Variants in MMD2 observed in about 807,000 individuals in gnomAD.
MMD2 encodes monocyte to macrophage differentiation associated 2.
MMD2 carries 30 observed loss-of-function variants against 33.5 expected under a neutral mutation model. The observed-to-expected ratio is 0.90, with a 90% CI of 0.67 to 1.22. MMD2 has a LOEUF of 1.22. MMD2 is among the 50% of genes most tolerant of loss of function. The probability of loss-of-function intolerance (pLI) is 0.00; values close to 1 mark genes in which losing one functional copy is unlikely to be tolerated. For synonymous variants in MMD2, 129 were observed against 123.0 expected, an observed-to-expected ratio of 1.05 and a Z score of -0.32; for missense variants, 364 against 325.4, an observed-to-expected ratio of 1.12 and a Z score of -0.91.
At chr7:4,947,319 C>A (rs1033218527) in intron 1 of MMD2, among the ~76,000 whole-genome samples, 1 of 151,990 alleles carries the variant, frequency 6.6e-6, no homozygotes, top group Non-Finnish European at 1.5e-5. Context: ...AGTTCCCAAT[C>A]ATGGCAGAAA....
At chr7:4,956,308 C>A (rs1287861587) in intron 1 of MMD2, among the ~76,000 whole-genome samples, 1 of 151,808 alleles carries the variant, frequency 6.6e-6, no homozygotes, top group African/African-American at 2.4e-5. Context: ...CACCTGTAGT[C>A]CCAGCTACTC....
At chr7:4,931,830 G>C (rs1308942468) in intron 1 of MMD2, among the ~76,000 whole-genome samples, 1 of 152,128 alleles carries the variant, frequency 6.6e-6, no homozygotes, top group Non-Finnish European at 1.5e-5. Context: ...CTCCCAAAGT[G>C]CTGAGATTAC....
Position 4,907,378 on chromosome 7 carries a change from T to C in MMD2, c.*18A>G. ...CTCCACTCCTAAAGCCCAAACGACC[T>C]CTCAAGTCTGGGTCACCTCATTTGG... On this transcript the variant is annotated 3_prime_UTR_variant, in exon 7 of 7. Coordinates refer to ENST00000401401, the MANE Select transcript of MMD2 (RefSeq NM_198403.4). 2.5e-6 allele frequency: 4 copies of C among 1,613,024 alleles called. No homozygotes were observed. Among genetic ancestry groups the C allele is most frequent in the Non-Finnish European group, 3.4e-6 (4 of 1,179,662 alleles).
chr7:4,937,447 A>AAAGG (rs376707629), intron 1 of MMD2, among the ~76,000 whole-genome samples: 125 of 151,964 alleles, frequency 8.2e-4, no homozygotes, highest in African/African-American at 2.8e-3. Context: ...AGAAAGGAAG[A>AAAGG]AAGGAAGGAA....
chr7:4,935,695 AAAC>A (rs1199538265), intron 1 of MMD2, among the ~76,000 whole-genome samples: 18 of 150,096 alleles, frequency 1.2e-4, no homozygotes, highest in East Asian at 3.9e-4. Context: ...AAAAAAAAAA[AAAC>A]CAAAAAAATT....
At chr7:4,945,499 CTCG>C (rs1786050274) in intron 1 of MMD2, among the ~76,000 whole-genome samples, 1 of 151,802 alleles carries the variant, frequency 6.6e-6, no homozygotes, top group African/African-American at 2.4e-5. Flanking sequence ...AACTCCTGAC[CTCG>C]TGATCCACCT....
chr7:4,893,186 C>T, the MMD2 span, among the ~76,000 whole-genome samples: 1 of 151,758 alleles, frequency 6.6e-6, no homozygotes, highest in Admixed American at 6.6e-5. Flanking sequence ...AAAGTGGTAC[C>T]AGAAAGGTCC....
the MMD2 span, among the ~76,000 whole-genome samples, chr7:4,900,861 C>T: frequency 6.6e-6 from 1 of 152,126 alleles, no homozygotes; most frequent in African/African-American, 2.4e-5. Flanking sequence ...CTCCCTGGGC[C>T]GGGCGCAGTG....
chr7:4,913,721 C>CAAA (rs35733360), intron 4 of MMD2, among the ~76,000 whole-genome samples: 11 of 54,044 alleles, frequency 2.0e-4, no homozygotes, highest in African/African-American at 3.2e-4. Flanking sequence ...TCTATCTCGG[C>CAAA]AAAAAAAAAA....
the MMD2 span, among the ~76,000 whole-genome samples, chr7:4,898,606 A>G: frequency 2.6e-5 from 4 of 152,164 alleles, no homozygotes; most frequent in African/African-American, 9.7e-5. Flanking sequence ...TTAAGAAATG[A>G]GGCGTTTGGG....
At chr7:4,896,663 A>G in the MMD2 span, among the ~76,000 whole-genome samples, 8 of 152,232 alleles carry the variant, frequency 5.3e-5, 1 homozygote, top group Admixed American at 1.3e-4. Flanking sequence ...ACCACAAAAG[A>G]CATAGATGAC....
At chr7:4,931,405 A>T (rs908718515) in intron 1 of MMD2, among the ~76,000 whole-genome samples, 8 of 149,626 alleles carry the variant, frequency 5.3e-5, no homozygotes, top group Non-Finnish European at 7.4e-5. Context: ...CTCCCACCTC[A>T]GCCTCCCAAA....
downstream of MMD2, among the ~76,000 whole-genome samples, chr7:4,904,071 T>G (rs1784829142): frequency 6.6e-6 from 1 of 152,194 alleles, no homozygotes; most frequent in South Asian, 2.1e-4. Context: ...TAGCTGAGAT[T>G]ACAAGCAGGT....
intron 4 of MMD2, 141 bp from the exon 5 acceptor site, chr7:4,911,387 A>T (rs1400751030): frequency 8.0e-6 from 5 of 623,496 alleles, no homozygotes; most frequent in Non-Finnish European, 1.4e-5. Context: ...GGGCGCTCAC[A>T]GGAAGACGGG....
At chr7:4,896,595 A>G in the MMD2 span, among the ~76,000 whole-genome samples, 1 of 152,204 alleles carries the variant, frequency 6.6e-6, no homozygotes, top group Non-Finnish European at 1.5e-5. Context: ...AACTGATTCC[A>G]GCCTCCATTT....
Position 4,920,227 on chromosome 7 carries a change from G to T in MMD2, c.234C>A (p.Gly78=). ...GAAACACAGTGGACACCACGAAGAG[G>T]CCGCAGAGGCCGAGGCCGTAGATCC... ...SAWIYGLGLC[G]LFVVSTVFHT... Residue 78 remains glycine (G), a synonymous_variant, in exon 3 of 7, where the codon GGC becomes GGA. Coordinates refer to ENST00000401401, the MANE Select transcript of MMD2 (RefSeq NM_198403.4). 1 of 1,585,610 alleles carries T rather than the reference G, an allele frequency of 6.3e-7. No individual in the cohort carries two copies. Among genetic ancestry groups the T allele is most frequent in the Non-Finnish European group, 8.6e-7 (1 of 1,166,628 alleles).
chr7:4,951,365 G>A (rs931021725), intron 1 of MMD2, among the ~76,000 whole-genome samples: 1 of 151,952 alleles, frequency 6.6e-6, no homozygotes, highest in African/African-American at 2.4e-5. Flanking sequence ...GACTCGTTGG[G>A]ACCAGGCTCA....
chr7:4,948,985 T>C (rs1169248761), intron 1 of MMD2, among the ~76,000 whole-genome samples: 1 of 152,114 alleles, frequency 6.6e-6, no homozygotes, highest in East Asian at 1.9e-4. Flanking sequence ...CTAGTTTTTG[T>C]ATTCTTTTGT....
At chr7:4,897,227 TAAAAAA>T in the MMD2 span, among the ~76,000 whole-genome samples, 1 of 117,176 alleles carries the variant, frequency 8.5e-6, no homozygotes, top group Non-Finnish European at 1.8e-5. Context: ...GTGTTATATT[TAAAAAA>T]AAAAAAAAAA....
Sources: allele counts gnomAD v4.1 joint callset (sites outside exome capture counted in the v4.1 genomes callset), GRCh38; gene constraint gnomAD v4.1.1; transcripts MANE v1.5; gene names NCBI Gene and HGNC (gene_info 2026-07-23, HGNC 2026-07-21).